PGM1: variants seen among roughly 807,000 people sequenced by gnomAD.
PGM1 encodes the protein phosphoglucomutase 1.
Under a neutral mutation model 55.6 loss-of-function variants are expected in PGM1, and 52 were observed. The observed-to-expected ratio is 0.94, with a 90% confidence interval of 0.75 to 1.18. The LOEUF is 1.18. Ranked by LOEUF, PGM1 falls within the 50% of genes most tolerant of loss-of-function variation. The pLI is 0.00. For synonymous variants in PGM1, 287 were observed against 271.7 expected, an observed-to-expected ratio of 1.06 and a Z score of -0.55; for missense variants, 724 against 729.3, an observed-to-expected ratio of 0.99 and a Z score of 0.08.
Position 63,593,451 on chromosome 1 carries a change from A to G in PGM1, c.-38A>G. The G allele has an allele frequency of 6.2e-7, 1 of 1,612,220 alleles. No individual in the cohort carries two copies. The highest frequency in any genetic ancestry group is 8.5e-7 in the Non-Finnish European group (1 of 1,179,484). ...TCAGCCGGCCGCCCCTCCGCCAGCC[A>G]AGTCCGCCGCTCTGACCCCCGGCAG... On this transcript the variant is annotated 5_prime_UTR_variant, in exon 1 of 11. Coordinates refer to ENST00000371084, the MANE Select transcript of PGM1 (RefSeq NM_002633.3).
At chr1:63,655,216 G>A (rs1244452602) in intron 10 of PGM1, among the ~76,000 whole-genome samples, 1 of 151,418 alleles carries the variant, frequency 6.6e-6, no homozygotes, top group African/African-American at 2.4e-5. Flanking sequence ...CTAGCCTCAA[G>A]TAATCCTCCT....
At chr1:63,616,311 C>T (rs934085529) in intron 1 of PGM1, among the ~76,000 whole-genome samples, 3 of 152,210 alleles carry the variant, frequency 2.0e-5, no homozygotes, top group Non-Finnish European at 4.4e-5. Context: ...CTCCTTCACA[C>T]GTGCCTTACT....
chr1:63,651,351 T>G, intron 8 of PGM1: 1 of 323,998 alleles, frequency 3.1e-6, no homozygotes, highest in Non-Finnish European at 5.9e-6. Context: ...CCTCAGGATG[T>G]GGTGACTAAA....
At chr1:63,654,128 AC>A (rs1377773667) in intron 9 of PGM1, among the ~76,000 whole-genome samples, 1 of 152,112 alleles carries the variant, frequency 6.6e-6, no homozygotes, top group African/African-American at 2.4e-5. Flanking sequence ...TGCTTCTCCC[AC>A]CGTAGCTAAG....
chr1:63,606,498 G>T (rs923091010), intron 1 of PGM1, among the ~76,000 whole-genome samples: 1 of 152,026 alleles, frequency 6.6e-6, no homozygotes, highest in South Asian at 2.1e-4. Context: ...ATCTAGGTCC[G>T]GGATGGCTGC....
Position 63,631,721 on chromosome 1 carries a change from A to G in PGM1, c.621A>G (p.Ala207=). Residue 207 remains alanine (A), a synonymous_variant, in exon 4 of 11, where the codon GCA becomes GCG. Transcript: ENST00000371084. ...TGAGAAGCATCTTTGATTTCAGTGC[A>G]CTGAAAGAACTACTTTCTGGGCCAA... is the stretch of plus-strand genomic sequence containing the variant. ...TMLRSIFDFS[A]LKELLSGPNR... is the part of the protein sequence containing the mutation. The G allele has an allele frequency of 6.2e-7, 1 of 1,612,792 alleles. No homozygotes were observed. Among genetic ancestry groups the G allele is most frequent in the Non-Finnish European group, 8.5e-7 (1 of 1,178,786 alleles).
intron 1 of PGM1, among the ~76,000 whole-genome samples, chr1:63,605,882 T>C (rs746633334): frequency 6.6e-6 from 1 of 152,194 alleles, no homozygotes; most frequent in African/African-American, 2.4e-5. Context: ...CTGGGAAAGA[T>C]TTTAGACACA....
At chr1:63,629,878 TG>T in intron 2 of PGM1, 63 bp from the exon 3 acceptor site, 3 of 1,582,450 alleles carry the variant, frequency 1.9e-6, no homozygotes, top group Non-Finnish European at 1.7e-6. Flanking sequence ...TGATGAGCTT[TG>T]GATTCTTTGT....
intron 1 of PGM1, among the ~76,000 whole-genome samples, chr1:63,605,246 G>C (rs1229714020): frequency 6.6e-6 from 1 of 152,168 alleles, no homozygotes; most frequent in Non-Finnish European, 1.5e-5. Flanking sequence ...GAGGAAAAGA[G>C]GCAGGGGTGA....
intron 1 of PGM1, among the ~76,000 whole-genome samples, chr1:63,628,009 T>C (rs762792651): frequency 6.6e-5 from 10 of 152,124 alleles, no homozygotes; most frequent in Non-Finnish European, 1.5e-4. Context: ...CATTAATGCT[T>C]GTTATTATTG....
chr1:63,629,500 G>T lies in PGM1; in HGVS notation c.322G>T (p.Ala108Ser). The T allele has an allele frequency of 6.2e-7, 1 of 1,613,728 alleles. No homozygotes were observed. The highest frequency in any genetic ancestry group is 8.5e-7 in the Non-Finnish European group (1 of 1,179,718). Residue 108 changes from alanine to serine, a missense_variant, in exon 2 of 11, where the codon GCC becomes TCC. By Grantham distance (99) the Ala-to-Ser change is moderately conservative. Transcript: ENST00000371084. ...AVSCIIRKIK[A>S]IGGIILTASH... ...ATCCTGCATCATTAGAAAAATCAAAGCCATTGGTGGGATCATTCTGACAGC... is the reference window on the plus strand; with the variant it reads ...ATCCTGCATCATTAGAAAAATCAAATCCATTGGTGGGATCATTCTGACAGC...
chr1:63,650,636 G>A (rs1649783355), intron 8 of PGM1, among the ~76,000 whole-genome samples: 1 of 152,118 alleles, frequency 6.6e-6, no homozygotes, highest in South Asian at 2.1e-4. Flanking sequence ...TATAGACTCT[G>A]CTATCTTGAG....
chr1:63,614,828 T>G (rs2100969906), intron 1 of PGM1, among the ~76,000 whole-genome samples: 1 of 152,346 alleles, frequency 6.6e-6, no homozygotes, highest in South Asian at 2.1e-4. Flanking sequence ...TTGTGAAGAT[T>G]AAATAAGTTA....
rs770956766 is a variant in PGM1 at position 63,593,657 on chromosome 1, C to G, written c.169C>G (p.Leu57Val). 4.3e-6 allele frequency: 7 copies of G among 1,609,790 alleles called. No individual in the cohort carries two copies. The highest frequency in any genetic ancestry group is 2.2e-5 in the East Asian group (1 of 44,728). Residue 57 changes from leucine (L) to valine (V), a missense_variant, in exon 1 of 11, where the codon CTG (leucine) becomes GTG (valine). Coordinates refer to ENST00000371084, the MANE Select transcript of PGM1 (RefSeq NM_002633.3). ...GCCGGCGCAGCGGCAGGAGGCCACG[C>G]TGGTGGTGGGCGGGGACGGCCGGTT... Reference protein sequence around the residue: ...VEPAQRQEATLVVGGDGRFYM... With the variant: ...VEPAQRQEATVVVGGDGRFYM...
intron 6 of PGM1, among the ~76,000 whole-genome samples, chr1:63,637,786 A>G (rs1649401744): frequency 6.6e-6 from 1 of 152,196 alleles, no homozygotes; most frequent in Non-Finnish European, 1.5e-5. Flanking sequence ...AAAAATTGAT[A>G]ATCCACATAT....
rs1327636115 is a variant in PGM1, at chr1:63,630,148, T to G, written c.556+60T>G. The G allele has an allele frequency of 3.9e-6, 6 of 1,540,348 alleles. No individual in the cohort carries two copies. In the Admixed American group the frequency reaches 1.0e-4, roughly 26 times the overall value. On this transcript the variant is annotated intron_variant, in intron 3 of 10. Transcript: ENST00000371084. The stretch of plus-strand genomic sequence containing the variant: ...TATTTCCAAGTTGAGCGATTTTCCT[T>G]TCAACGTTTTAGTAGAGGGTCTTCA...
At chr1:63,653,253 A>T (rs1056445533) in intron 9 of PGM1, among the ~76,000 whole-genome samples, 1 of 152,204 alleles carries the variant, frequency 6.6e-6, no homozygotes, top group African/African-American at 2.4e-5. Flanking sequence ...TATAGATAGA[A>T]CATCTGCAAT....
intron 7 of PGM1, among the ~76,000 whole-genome samples, chr1:63,643,733 T>C (rs925901735): frequency 6.6e-5 from 10 of 152,164 alleles, no homozygotes; most frequent in Admixed American, 3.9e-4. Flanking sequence ...CAACCCCTGT[T>C]TGGGGAGTAC....
At position 63,636,330 on chromosome 1, in the gene PGM1, C is replaced by T. The variant is rs1557435445; in HGVS notation, c.970C>T (p.Gln324Ter). The change falls in exon 6 of 11, where the codon CAG (glutamine) becomes TAG (stop). Residue 324 changes from glutamine (Q) to a stop codon, truncating the protein, a stop_gained. Transcript: ENST00000371084. LOFTEE classifies it high-confidence loss of function. ...AANIFSIPYF[Q>*]QTGVRGFARS... ...CAACATCTTCAGCATTCCGTATTTCCAGCAGACTGGGGTCCGCGGCTTTGC... is the reference window on the plus strand; with the variant it reads ...CAACATCTTCAGCATTCCGTATTTCTAGCAGACTGGGGTCCGCGGCTTTGC... 2 of 1,614,160 alleles carry T rather than the reference C, an allele frequency of 1.2e-6. No individual in the cohort carries two copies. Among genetic ancestry groups the T allele is most frequent in the South Asian group, 2.2e-5 (2 of 91,090 alleles).
Sources: allele counts gnomAD v4.1 joint callset (sites outside exome capture counted in the v4.1 genomes callset), GRCh38; gene constraint gnomAD v4.1.1; transcripts MANE v1.5; gene names NCBI Gene and HGNC (gene_info 2026-07-23, HGNC 2026-07-21).